PCDHGA6: variants seen among roughly 807,000 people sequenced by gnomAD.
PCDHGA6 encodes protocadherin gamma subfamily A, 6.
A neutral mutation model predicts 60.6 loss-of-function variants in PCDHGA6; 41 were observed. The observed-to-expected ratio is 0.68, with a 90% confidence interval of 0.53 to 0.88. The LOEUF (loss-of-function observed/expected upper bound fraction) is 0.88, where lower values mean the gene tolerates loss of function less well. Ranked by LOEUF, PCDHGA6 falls within the 40% of genes least tolerant of loss-of-function variation. The probability of loss-of-function intolerance (pLI) is 0.00; values close to 1 mark genes in which losing one functional copy is unlikely to be tolerated. For missense variants in PCDHGA6, 1,312 were observed against 1,203.0 expected (o/e 1.09, Z -1.34); for synonymous variants, 594 against 524.4 (o/e 1.13, Z -1.81).
chr5:141,415,350 G>C, intron 1 of PCDHGA6: 1 of 1,614,228 alleles, frequency 6.2e-7, no homozygotes, highest in Non-Finnish European at 8.5e-7. Context: ...GCTGGCACAA[G>C]TCACGCCTGC....
At chr5:141,446,312 T>C (rs2098498076) in intron 1 of PCDHGA6, among the ~76,000 whole-genome samples, 1 of 152,208 alleles carries the variant, frequency 6.6e-6, no homozygotes, top group African/African-American at 2.4e-5. Flanking sequence ...GAGTGATTCC[T>C]GGGTTTCCAC....
At chr5:141,484,071 T>C (rs1405337642) in intron 1 of PCDHGA6, among the ~76,000 whole-genome samples, 1 of 152,144 alleles carries the variant, frequency 6.6e-6, no homozygotes, top group Non-Finnish European at 1.5e-5. Flanking sequence ...GTGAAAAGCT[T>C]GCTCTTTTGA....
At chr5:141,439,432 A>C (rs537630916) in intron 1 of PCDHGA6, among the ~76,000 whole-genome samples, 1 of 152,326 alleles carries the variant, frequency 6.6e-6, no homozygotes, top group African/African-American at 2.4e-5. Flanking sequence ...AATTCCCAGG[A>C]ATATTTTATT....
chr5:141,380,910 A>G (rs1776848535), intron 1 of PCDHGA6, among the ~76,000 whole-genome samples: 1 of 152,262 alleles, frequency 6.6e-6, no homozygotes, highest in South Asian at 2.1e-4. Context: ...ACAAGTGCTT[A>G]CATTGTTTAA....
At chr5:141,410,312 C>T (rs754522489) in intron 1 of PCDHGA6, 9 of 1,614,036 alleles carry the variant, frequency 5.6e-6, no homozygotes, top group South Asian at 3.3e-5. Context: ...AGTGCTCTTC[C>T]TCCTCGCCGT....
At chr5:141,472,778 G>T (rs1244170163) in intron 1 of PCDHGA6, among the ~76,000 whole-genome samples, 1 of 151,878 alleles carries the variant, frequency 6.6e-6, no homozygotes, top group Non-Finnish European at 1.5e-5. Flanking sequence ...CTGAGGTTGG[G>T]AGTTCAAGAT....
intron 1 of PCDHGA6, chr5:141,383,374 G>T: frequency 6.2e-7 from 1 of 1,614,028 alleles, no homozygotes. Context: ...CGAGGCTGGG[G>T]ATCCAGATGT....
chr5:141,444,640 G>A (rs192148868), intron 1 of PCDHGA6, among the ~76,000 whole-genome samples: 3 of 152,196 alleles, frequency 2.0e-5, no homozygotes, highest in Non-Finnish European at 2.9e-5. Flanking sequence ...GTTCATTGAG[G>A]TAGGGGTTGA....
At position 141,489,220 on chromosome 5, in the gene PCDHGA6, C is replaced by T; in HGVS notation, c.2425-5587C>T. ...AGACAGGACAGCACAGACTTACTCT[C>T]CACAAAGGGACTTCTGGGTCATGGG... On this transcript the variant is annotated intron_variant, in intron 1 of 3. Transcript: ENST00000517434. This position sits in a 1 kb window ranked among gnomAD's most constrained non-coding sequence, Gnocchi z 4.5. The T allele has an allele frequency of 6.6e-7, 1 of 1,508,698 alleles. No homozygotes were observed. The highest frequency in any genetic ancestry group is 8.9e-7 in the Non-Finnish European group (1 of 1,122,110). The allele number at this position is 1,508,698 out of a possible 1,614,324, so 93.5% of individuals were successfully genotyped here.
In PCDHGA6 at chr5:141,476,351, G is replaced by A; in HGVS notation, c.2425-18456G>A. The A allele has an allele frequency of 1.2e-6, 2 of 1,614,182 alleles. No individual in the cohort carries two copies. The highest frequency in any genetic ancestry group is 1.7e-6 in the Non-Finnish European group (2 of 1,180,046). ...TGGAGCTAGCCGAAGATTCTTTGAG[G>A]TGAACCGGGAGACCGGAGAGATGTT... On this transcript the variant is annotated intron_variant, in intron 1 of 3. Coordinates refer to ENST00000517434, the MANE Select transcript of PCDHGA6 (RefSeq NM_018919.3). This position sits in a 1 kb window ranked among gnomAD's most constrained non-coding sequence, Gnocchi z 7.6.
At chr5:141,450,754 C>G (rs192088793) in intron 1 of PCDHGA6, among the ~76,000 whole-genome samples, 1 of 150,996 alleles carries the variant, frequency 6.6e-6, no homozygotes, top group Non-Finnish European at 1.5e-5. Context: ...CCCAAAGTGC[C>G]GGGATTACAG....
Position 141,476,075 on chromosome 5 carries a change from G to T in PCDHGA6, c.2425-18732G>T. ...TGAAAGTTTCTCAGCGAAATCTCAG[G>T]GACGATCTGGACCCCGCTGAGAGGA... On this transcript the variant is annotated intron_variant, in intron 1 of 3. Coordinates refer to ENST00000517434, the MANE Select transcript of PCDHGA6 (RefSeq NM_018919.3). This position sits in a 1 kb window ranked among gnomAD's most constrained non-coding sequence, Gnocchi z 7.6. The T allele has an allele frequency of 6.6e-7, 1 of 1,526,282 alleles. No homozygotes were observed. The highest frequency in any genetic ancestry group is 1.3e-5 in the South Asian group (1 of 78,462). The allele number at this position is 1,526,282 out of a possible 1,614,324, so 94.5% of individuals were successfully genotyped here.
At chr5:141,389,433 G>C in intron 1 of PCDHGA6, 1 of 1,610,628 alleles carries the variant, frequency 6.2e-7, no homozygotes, top group Non-Finnish European at 8.5e-7. Context: ...CGCGCAGCGC[G>C]CCTTCGACCA....
intron 1 of PCDHGA6, among the ~76,000 whole-genome samples, chr5:141,397,036 T>G (rs2093467467): frequency 2.0e-5 from 3 of 152,222 alleles, no homozygotes. Context: ...TGTCCACAAA[T>G]TTATGTAAAT....
chr5:141,422,734 T>A, intron 1 of PCDHGA6: 2 of 1,608,114 alleles, frequency 1.2e-6, no homozygotes, highest in Non-Finnish European at 1.7e-6. Context: ...GGTGCCTCTG[T>A]CCTCCTATGT....
chr5:141,377,724 A>T (rs549902283), intron 1 of PCDHGA6: 1 of 152,244 alleles, frequency 6.6e-6, no homozygotes, highest in Non-Finnish European at 1.5e-5. Flanking sequence ...TTTTGAAAAG[A>T]TAAGAATCAT....
At chr5:141,386,978 T>C (rs1267866332) in intron 1 of PCDHGA6, among the ~76,000 whole-genome samples, 1 of 152,172 alleles carries the variant, frequency 6.6e-6, no homozygotes, top group Non-Finnish European at 1.5e-5. Flanking sequence ...GACTTTGTGT[T>C]TTGAGGCTAT....
chr5:141,385,526 G>C (rs1265906180), intron 1 of PCDHGA6: 1 of 1,352,594 alleles, frequency 7.4e-7, no homozygotes, highest in East Asian at 2.7e-5. Context: ...CTATGGACAA[G>C]ATTATGAATA....
At chr5:141,448,808 G>C (rs2098608218) in intron 1 of PCDHGA6, among the ~76,000 whole-genome samples, 2 of 152,080 alleles carry the variant, frequency 1.3e-5, no homozygotes, top group Admixed American at 1.3e-4. Flanking sequence ...AGCCAGGCGT[G>C]ATGGCGGGCG....
Sources: gnomAD v4.1 joint callset for allele counts (sites outside exome capture counted in the v4.1 genomes callset) on GRCh38, gnomAD v4.1.1 for gene constraint, Gnocchi (gnomAD v3.1) non-coding constraint, MANE v1.5 for transcripts, NCBI Gene and HGNC (gene_info 2026-07-23, HGNC 2026-07-21) for gene names.